NFATC2: variants seen among roughly 807,000 people sequenced by gnomAD.
The protein encoded by NFATC2 is nuclear factor of activated T-cells, cytoplasmic 2.
NFATC2 carries 22 observed loss-of-function variants against 87.3 expected under a neutral mutation model. That is an observed-to-expected ratio of 0.25 (90% confidence interval 0.18 to 0.36). The LOEUF is 0.36. Among genes scored for constraint, NFATC2 ranks in the 10% least tolerant of loss-of-function variants. The pLI, the probability that NFATC2 is intolerant of heterozygous loss-of-function variation, is 1.00. For synonymous variants in NFATC2, 565 were observed against 542.2 expected (o/e 1.04, Z -0.58); for missense variants, 1,149 against 1,259.1 (o/e 0.91, Z 1.32).
At chr20:51,529,244 C>CCTGAAAACACACATCA (rs2076594631) in intron 1 of NFATC2, among the ~76,000 whole-genome samples, 1 of 152,172 alleles carries the variant, frequency 6.6e-6, no homozygotes, top group Admixed American at 6.5e-5. Context: ...GAAACGCAGT[C>CCTGAAAACACACATCA]CTGAAAACAC....
At chr20:51,397,053 C>T (rs1389171863) in intron 10 of NFATC2, among the ~76,000 whole-genome samples, 5 of 48,852 alleles carry the variant, frequency 1.0e-4, no homozygotes, top group South Asian at 4.6e-4. Context: ...CACCATGGCC[C>T]GGCTAATTTT....
chr20:51,483,108 GT>G (rs1337199792), intron 3 of NFATC2, among the ~76,000 whole-genome samples: 1 of 152,150 alleles, frequency 6.6e-6, no homozygotes, highest in African/African-American at 2.4e-5. Flanking sequence ...CGTTCTGCCT[GT>G]GGATCCCTGC....
chr20:51,389,785 C>A lies in NFATC2; in HGVS notation c.*1711G>T, dbSNP rs1569736. 0.12 allele frequency: 18,235 copies of A among 152,196 alleles called. 1,431 individuals are homozygous for A. The highest frequency in any genetic ancestry group is 0.27 in the East Asian group (1,372 of 5,162). 9.4% of individuals were successfully genotyped at this position (152,196 alleles called of 1,614,324 possible). A position where few individuals can be genotyped will look rare whatever the true frequency, so the allele number is the denominator to read the frequency against. On this transcript the variant is annotated 3_prime_UTR_variant, in exon 11 of 11. Coordinates refer to ENST00000371564, the MANE Select transcript of NFATC2 (RefSeq NM_012340.5). ...AGCTTTTACCTCTGGGTAACCTTGA[C>A]GGGAGAGCCAGGACTTACAAAGCCC...
chr20:51,408,863 C>T (rs566793417), intron 9 of NFATC2, among the ~76,000 whole-genome samples: 3 of 152,220 alleles, frequency 2.0e-5, no homozygotes, highest in Non-Finnish European at 2.9e-5. Flanking sequence ...CTGTGGGTCT[C>T]GCTGGCAGAG....
chr20:51,488,011 A>G (rs1989864166), intron 3 of NFATC2, among the ~76,000 whole-genome samples: 2 of 152,080 alleles, frequency 1.3e-5, no homozygotes, highest in Admixed American at 1.3e-4. Flanking sequence ...GCAGATCAAC[A>G]AAACGCATCA....
At chr20:51,552,242 A>G (rs1038947645) in intron 1 of NFATC2, among the ~76,000 whole-genome samples, 1 of 152,122 alleles carries the variant, frequency 6.6e-6, no homozygotes, top group Non-Finnish European at 1.5e-5. Flanking sequence ...GTGCCACTGC[A>G]CTCCAGCCCA....
Position 51,398,673 on chromosome 20 carries a change from ACAGT to A in NFATC2, c.*10_*13del, listed in dbSNP as rs1196268147. On this transcript the variant is annotated 3_prime_UTR_variant, in exon 10 of 11. Coordinates refer to ENST00000371564, the MANE Select transcript of NFATC2 (RefSeq NM_012340.5). ...ACTTTGATTTCTCGGATCAAAGATC[ACAGT>A]CATTCTGTTTCATAATATGTTTTGT... The A allele has an allele frequency of 3.7e-6, 6 of 1,611,816 alleles. No individual in the cohort carries two copies. In the Admixed American group the frequency reaches 8.4e-5, roughly 22 times the overall value.
intron 1 of NFATC2, among the ~76,000 whole-genome samples, chr20:51,527,262 C>T (rs6067810): frequency 0.43 from 65,817 of 151,770 alleles, 14,499 homozygotes; most frequent in South Asian, 0.52. Context: ...CTTGCTGCTC[C>T]CCCTGCCTCA....
At chr20:51,489,562 ACTT>A (rs1421290917) in intron 3 of NFATC2, among the ~76,000 whole-genome samples, 1 of 152,108 alleles carries the variant, frequency 6.6e-6, no homozygotes, top group African/African-American at 2.4e-5. Context: ...CCTTCATTCA[ACTT>A]CTTCTCAACT....
At position 51,523,178 on chromosome 20, in the gene NFATC2, A is replaced by G; in HGVS notation, c.1063T>C (p.Cys355Arg). The G allele has an allele frequency of 3.7e-6, 6 of 1,614,204 alleles. No homozygotes were observed. The highest frequency in any genetic ancestry group is 5.1e-6 in the Non-Finnish European group (6 of 1,180,028). The change falls in exon 2 of 11, where the codon TGC becomes CGC. Residue 355 changes from cysteine to arginine, a missense_variant. Physicochemically the swap from Cys to Arg is radical, Grantham distance 180. Around this residue, in one of 3 missense-constraint regions of NFATC2, gnomAD observed 563 missense variants for 585.2 expected, o/e 0.96. Transcript: ENST00000371564. This position sits in a 1 kb window ranked among gnomAD's most constrained non-coding sequence, Gnocchi z 6.9. ...IYPAVEFLGP[C>R]EQGERRNSAP... ...GAGTTTCTCCTCTCGCCCTGCTCGC[A>G]GGGCCCCAGGAACTCCACGGCCGGG... is the stretch of plus-strand genomic sequence containing the variant.
At chr20:51,406,062 C>A (rs190513755) in intron 9 of NFATC2, among the ~76,000 whole-genome samples, 1 of 152,314 alleles carries the variant, frequency 6.6e-6, no homozygotes, top group East Asian at 1.9e-4. Flanking sequence ...CAGGTGTGAG[C>A]CACCACACCC....
At chr20:51,433,026 T>C (rs930325297) in intron 8 of NFATC2, among the ~76,000 whole-genome samples, 1 of 152,104 alleles carries the variant, frequency 6.6e-6, no homozygotes, top group African/African-American at 2.4e-5. Context: ...CCCTGGGATG[T>C]TTACAGCCTA....
chr20:51,491,119 G>A (rs2075875366), intron 3 of NFATC2, among the ~76,000 whole-genome samples: 1 of 152,184 alleles, frequency 6.6e-6, no homozygotes, highest in Non-Finnish European at 1.5e-5. Context: ...CACAAGCTAG[G>A]AGAATGTCCT....
intron 5 of NFATC2, among the ~76,000 whole-genome samples, chr20:51,469,675 A>C (rs1365750734): frequency 3.3e-5 from 5 of 152,200 alleles, no homozygotes; most frequent in Non-Finnish European, 7.3e-5. Flanking sequence ...CGTAAGCAAC[A>C]GAAAAAGATA....
At chr20:51,522,886 A>G (rs1451723386) in intron 2 of NFATC2, among the ~76,000 whole-genome samples, 195 bp downstream of exon 2, 2 of 152,200 alleles carry the variant, frequency 1.3e-5, no homozygotes, top group Non-Finnish European at 2.9e-5. Flanking sequence ...AATTATACCC[A>G]TTTTACAGAT....
intron 6 of NFATC2, among the ~76,000 whole-genome samples, chr20:51,443,880 A>T (rs1157628099): frequency 6.6e-6 from 1 of 152,084 alleles, no homozygotes; most frequent in African/African-American, 2.4e-5. Context: ...CTTTGGGCAA[A>T]AGGGTTAGGT....
intron 9 of NFATC2, among the ~76,000 whole-genome samples, chr20:51,429,588 A>G (rs546542510): frequency 6.6e-6 from 1 of 152,382 alleles, no homozygotes; most frequent in South Asian, 2.1e-4. Flanking sequence ...CCATTCTTGC[A>G]GAACACAGTA....
intron 3 of NFATC2, among the ~76,000 whole-genome samples, chr20:51,488,926 T>C (rs530689026): frequency 2.4e-4 from 37 of 152,342 alleles, no homozygotes; most frequent in South Asian, 2.1e-3. Context: ...CAGTGGCTCA[T>C]GCCTGTAATC....
At chr20:51,418,376 C>T (rs1332483562) in intron 9 of NFATC2, among the ~76,000 whole-genome samples, 1 of 152,236 alleles carries the variant, frequency 6.6e-6, no homozygotes, top group Non-Finnish European at 1.5e-5. Flanking sequence ...ATGGCCACAT[C>T]TGGGGTGCTA....
Sources: allele counts gnomAD v4.1 joint callset (sites outside exome capture counted in the v4.1 genomes callset), GRCh38; gene constraint gnomAD v4.1.1; regional missense constraint gnomAD v4.1.1; non-coding constraint Gnocchi (gnomAD v3.1); transcripts MANE v1.5; gene names NCBI Gene and HGNC (gene_info 2026-07-23, HGNC 2026-07-21).